The following STAU2 variants were observed in gnomAD, a reference collection of about 807,000 sequenced individuals.
The protein encoded by STAU2 is double-stranded RNA-binding protein Staufen homolog 2.
In STAU2, 20 loss-of-function variants were observed where a neutral mutation model predicts 65.9. The observed-to-expected ratio is 0.30, with a 90% CI of 0.21 to 0.44. STAU2 has a LOEUF of 0.44. Among genes scored for constraint, STAU2 ranks in the 20% least tolerant of loss-of-function variants. The pLI is 1.00. For synonymous variants in STAU2, 232 were observed against 233.9 expected, an observed-to-expected ratio of 0.99 and a Z score of 0.07; for missense variants, 558 against 683.9, an observed-to-expected ratio of 0.82 and a Z score of 2.05.
At chr8:73,492,012 C>T (rs1336255403) in intron 13 of STAU2, among the ~76,000 whole-genome samples, 1 of 151,708 alleles carries the variant, frequency 6.6e-6, no homozygotes, top group African/African-American at 2.4e-5. Context: ...ATGCTGGCCA[C>T]AGAGAAAGAG....
At chr8:73,656,574 A>G (rs1003179590) in intron 6 of STAU2, among the ~76,000 whole-genome samples, 2 of 152,364 alleles carry the variant, frequency 1.3e-5, no homozygotes, top group East Asian at 3.9e-4. Flanking sequence ...TTAATTTTAT[A>G]TAGTCCAAAA....
At chr8:73,668,205 CA>C in intron 6 of STAU2, among the ~76,000 whole-genome samples, 1 of 151,780 alleles carries the variant, frequency 6.6e-6, no homozygotes, top group East Asian at 1.9e-4. Flanking sequence ...TGAAGTATAG[CA>C]AATGGGAATT....
chr8:73,538,874 T>G (rs559191132), intron 13 of STAU2, among the ~76,000 whole-genome samples: 2 of 152,280 alleles, frequency 1.3e-5, no homozygotes, highest in Non-Finnish European at 2.9e-5. Context: ...GATAGTCCTA[T>G]TTTTACTCTA....
chr8:73,616,229 G>A (rs970223061), intron 7 of STAU2, among the ~76,000 whole-genome samples: 1 of 152,080 alleles, frequency 6.6e-6, no homozygotes, highest in African/African-American at 2.4e-5. Flanking sequence ...ACAGGCATTG[G>A]TTTACTTTAT....
intron 13 of STAU2, among the ~76,000 whole-genome samples, chr8:73,484,222 A>AT (rs1352880657): frequency 7.2e-5 from 11 of 152,178 alleles, no homozygotes; most frequent in Non-Finnish European, 1.5e-5. Flanking sequence ...TATAAAAACA[A>AT]TGTCAAAAAT....
intron 4 of STAU2, among the ~76,000 whole-genome samples, chr8:73,698,595 A>G (rs1819848672): frequency 6.6e-6 from 1 of 152,222 alleles, no homozygotes. Flanking sequence ...TCAATTCAGC[A>G]AGAGGATATA....
intron 6 of STAU2, chr8:73,669,034 C>T (rs1817455339): frequency 3.1e-6 from 2 of 634,940 alleles, no homozygotes; most frequent in South Asian, 3.1e-5. Flanking sequence ...AATGATTAAT[C>T]TGGGTTCTGA....
chr8:73,567,801 C>T (rs1347976974), intron 12 of STAU2, among the ~76,000 whole-genome samples: 1 of 152,042 alleles, frequency 6.6e-6, no homozygotes, highest in African/African-American at 2.4e-5. Flanking sequence ...CTACCCACCT[C>T]AGCCCCTGAA....
intron 13 of STAU2, among the ~76,000 whole-genome samples, chr8:73,465,026 C>T (rs899868204): frequency 6.6e-6 from 1 of 152,228 alleles, no homozygotes; most frequent in African/African-American, 2.4e-5. Context: ...TAAACAGCAA[C>T]ATGATTCTCT....
chr8:73,711,526 A>G (rs1586326316), intron 3 of STAU2, among the ~76,000 whole-genome samples: 1 of 152,224 alleles, frequency 6.6e-6, no homozygotes, highest in South Asian at 2.1e-4. Context: ...GTAATGCTGC[A>G]TATTCATCTG....
chr8:73,696,669 T>A (rs1173474471), intron 4 of STAU2, among the ~76,000 whole-genome samples: 1 of 152,148 alleles, frequency 6.6e-6, no homozygotes, highest in African/African-American at 2.4e-5. Context: ...GACAGGCTAT[T>A]TGAAATTACA....
intron 6 of STAU2, among the ~76,000 whole-genome samples, chr8:73,665,579 C>T (rs1283779963): frequency 6.6e-6 from 1 of 152,140 alleles, no homozygotes; most frequent in African/African-American, 2.4e-5. Flanking sequence ...GGTTTAACCT[C>T]TAATTTAATG....
Position 73,514,186 on chromosome 8 carries a change from T to C in STAU2, c.1530+37826A>G, listed in dbSNP as rs1585909754. ...GCTGGTCATCAAGGCCTGCTGATTT[T>C]TTCTCTGCAATGTCTCTTTAGGAGA... On this transcript the variant is annotated intron_variant, in intron 13 of 14. Transcript: ENST00000524300. 2.0e-5 allele frequency among the ~76,000 whole-genome samples: 3 copies of C among 152,332 alleles called. No homozygotes were observed. The South Asian group carries it at 6.2e-4, about 32-fold the overall frequency.
chr8:73,422,202 C>G (rs1816435361), intron 14 of STAU2, among the ~76,000 whole-genome samples: 1 of 152,198 alleles, frequency 6.6e-6, no homozygotes, highest in Admixed American at 6.5e-5. Flanking sequence ...CGCCTCCTCT[C>G]AACTTCTTTT....
At chr8:73,529,090 A>C (rs1182473220) in intron 13 of STAU2, among the ~76,000 whole-genome samples, 1 of 152,172 alleles carries the variant, frequency 6.6e-6, no homozygotes, top group Non-Finnish European at 1.5e-5. Flanking sequence ...AAAGTACTAT[A>C]AAGATTTTGT....
At chr8:73,654,664 A>ACT (rs1357394773) in intron 6 of STAU2, among the ~76,000 whole-genome samples, 1 of 122,986 alleles carries the variant, frequency 8.1e-6, no homozygotes, top group African/African-American at 3.0e-5. Context: ...AAAAAAAAGA[A>ACT]CTCTTTTAAT....
At chr8:73,734,233 G>GTTTTTTT in intron 3 of STAU2, among the ~76,000 whole-genome samples, 1 of 131,584 alleles carries the variant, frequency 7.6e-6, no homozygotes, top group African/African-American at 2.8e-5. Flanking sequence ...TTCAGGGTTT[G>GTTTTTTT]TTTTTTTTTT....
chr8:73,618,757 C>T (rs1399757069), intron 6 of STAU2, among the ~76,000 whole-genome samples: 1 of 152,164 alleles, frequency 6.6e-6, no homozygotes, highest in African/African-American at 2.4e-5. Flanking sequence ...GTGACAGTGG[C>T]CTGAACTAGG....
intron 6 of STAU2, chr8:73,670,372 C>T (rs538748755): frequency 1.3e-5 from 2 of 151,806 alleles, no homozygotes; most frequent in South Asian, 2.1e-4. Flanking sequence ...GGAAGCATTA[C>T]CTAAGGGAGA....
Sources: gnomAD v4.1 joint callset for allele counts (sites outside exome capture counted in the v4.1 genomes callset) on GRCh38, gnomAD v4.1.1 for gene constraint, MANE v1.5 for transcripts, NCBI Gene and HGNC (gene_info 2026-07-23, HGNC 2026-07-21) for gene names.